TMEM44: variants seen among roughly 807,000 people sequenced by gnomAD.
TMEM44 encodes the protein transmembrane protein 44.
A neutral mutation model predicts 47.8 loss-of-function variants in TMEM44; 43 were observed. The ratio of observed to expected loss-of-function variants is 0.90; its 90% CI spans 0.70 to 1.16. The LOEUF is 1.16. Ranked by LOEUF, TMEM44 falls within the 50% of genes most tolerant of loss-of-function variation. TMEM44 has a pLI of 0.00. For synonymous variants in TMEM44, 277 were observed against 238.8 expected, an observed-to-expected ratio of 1.16 and a Z score of -1.48; for missense variants, 568 against 555.2, an observed-to-expected ratio of 1.02 and a Z score of -0.23.
intron 3 of TMEM44, among the ~76,000 whole-genome samples, chr3:194,624,289 A>G (rs886325101): frequency 6.6e-6 from 1 of 151,524 alleles, no homozygotes; most frequent in African/African-American, 2.4e-5. Context: ...TGGCCTCATG[A>G]GTGGCTGGGA....
At position 194,615,623 on chromosome 3, in the gene TMEM44, G is replaced by T; in HGVS notation, c.858C>A (p.Ser286Arg). 2 of 1,614,102 alleles carry T rather than the reference G, an allele frequency of 1.2e-6. No homozygotes were observed. The highest frequency in any genetic ancestry group is 3.3e-5 in the Admixed American group (2 of 60,006). Reference protein sequence around the residue: ...ALGFAKEARESPDTQALLTCA... With the variant: ...ALGFAKEARERPDTQALLTCA... ...AGGTCAAAAGGGCTTGGGTGTCAGG[G>T]CTCTCTCTGGCTTCCTTGGCAAATC... The change falls in exon 7 of 10, where the codon AGC becomes AGA. Residue 286 changes from serine (S) to arginine (R), a missense_variant. Coordinates refer to ENST00000347147, the MANE Select transcript of TMEM44 (RefSeq NM_001011655.3).
intron 9 of TMEM44, among the ~76,000 whole-genome samples, chr3:194,604,026 G>T (rs1200264273): frequency 6.6e-6 from 1 of 151,866 alleles, no homozygotes; most frequent in Non-Finnish European, 1.5e-5. Flanking sequence ...GCTAATTTTT[G>T]TATTTTTAGT....
At chr3:194,625,458 GT>G (rs1167580508) in intron 3 of TMEM44, among the ~76,000 whole-genome samples, 1 of 143,524 alleles carries the variant, frequency 7.0e-6, no homozygotes, top group Admixed American at 7.1e-5. Flanking sequence ...TTTGTTTTTT[GT>G]TTTTTTTGAG....
At position 194,606,963 on chromosome 3, in the gene TMEM44, A is replaced by AAAAAAAAG. The variant is rs71179377; in HGVS notation, c.1018-2519_1018-2518insCTTTTTTT. 8.4e-4 allele frequency among the ~76,000 whole-genome samples: 126 copies of AAAAAAAAG among 149,648 alleles called. 1 individual carries two copies. Among genetic ancestry groups the AAAAAAAAG allele is most frequent in the African/African-American group, 2.9e-3 (120 of 40,960 alleles). ...GCGAGACTCTGCCTCAAAAAAAAAA[A>AAAAAAAAG]GGAAAGAATAAAAGAAAAAATAAAA... On this transcript the variant is annotated intron_variant, in intron 8 of 9. Transcript: ENST00000347147.
Position 194,603,554 on chromosome 3 carries a change from C to T in TMEM44, c.1176+733G>A, listed in dbSNP as rs146413557. ...CTGGGATTACAGGTGCGAACCACCACGCCTGGCTAATTTTTGTGTTTTTAG... is the reference window on the plus strand; with the variant it reads ...CTGGGATTACAGGTGCGAACCACCATGCCTGGCTAATTTTTGTGTTTTTAG... On this transcript the variant is annotated intron_variant, in intron 9 of 9. Coordinates refer to ENST00000347147, the MANE Select transcript of TMEM44 (RefSeq NM_001011655.3). 4.9e-3 allele frequency among the ~76,000 whole-genome samples: 752 copies of T among 152,234 alleles called. 4 individuals carry two copies. Among genetic ancestry groups the T allele is most frequent in the Admixed American group, 0.012 (179 of 15,280 alleles).
intron 9 of TMEM44, among the ~76,000 whole-genome samples, chr3:194,602,367 C>T (rs896440215): frequency 1.3e-5 from 2 of 152,098 alleles, no homozygotes; most frequent in Admixed American, 6.6e-5. Context: ...TTTGGGAGGC[C>T]GAGGTGGGTG....
intron 1 of TMEM44, among the ~76,000 whole-genome samples, chr3:194,630,154 T>C (rs1369932545): frequency 4.1e-4 from 34 of 83,506 alleles, no homozygotes; most frequent in East Asian, 6.1e-4. Flanking sequence ...TCGTACCTGC[T>C]TCCCGAAGGG....
At chr3:194,606,370 G>A (rs879301971) in intron 8 of TMEM44, among the ~76,000 whole-genome samples, 4 of 152,106 alleles carry the variant, frequency 2.6e-5, no homozygotes, top group East Asian at 1.9e-4. Context: ...AATGGGATAT[G>A]TATCAGTGGA....
At chr3:194,602,409 C>T (rs1409526991) in intron 9 of TMEM44, among the ~76,000 whole-genome samples, 5 of 152,160 alleles carry the variant, frequency 3.3e-5, no homozygotes, top group Non-Finnish European at 7.4e-5. Context: ...CAAGACCAGC[C>T]TGGCCAACAT....
At chr3:194,589,778 C>G (rs1396063199) in intron 9 of TMEM44, 1 of 152,076 alleles carries the variant, frequency 6.6e-6, no homozygotes, top group Non-Finnish European at 1.5e-5. Flanking sequence ...CTTTGAGGTT[C>G]CAGCCATGGA....
chr3:194,615,583 C>T lies in TMEM44; in HGVS notation c.898G>A (p.Glu300Lys). The T allele has an allele frequency of 6.2e-7, 1 of 1,614,098 alleles. No homozygotes were observed. Among genetic ancestry groups the T allele is most frequent in the Non-Finnish European group, 8.5e-7 (1 of 1,179,978 alleles). Residue 300 changes from glutamate to lysine, a missense_variant, in exon 7 of 10, where the codon GAA becomes AAA. Physicochemically the swap from Glu to Lys is moderately conservative, Grantham distance 56. Coordinates refer to ENST00000347147, the MANE Select transcript of TMEM44 (RefSeq NM_001011655.3). The stretch of plus-strand genomic sequence containing the variant: ...TCGTTCCTCACCTCCTGGTTTTCTT[C>T]CTCTTTCTCTGCACAGGTCAAAAGG... ...QALLTCAEKE[E>K]ENQENLDWVP...
At chr3:194,613,367 G>C (rs974129203) in intron 7 of TMEM44, among the ~76,000 whole-genome samples, 1 of 144,134 alleles carries the variant, frequency 6.9e-6, no homozygotes, top group African/African-American at 2.6e-5. Context: ...TAGTAGAGAC[G>C]GAGTTTCACC....
chr3:194,620,825 G>C (rs577101432), intron 5 of TMEM44, among the ~76,000 whole-genome samples: 56 of 152,068 alleles, frequency 3.7e-4, no homozygotes, highest in South Asian at 8.3e-4. Flanking sequence ...TCAGTAGTTC[G>C]AGACCAGCCT....
chr3:194,617,838 G>T lies in TMEM44; in HGVS notation c.613-569C>A, dbSNP rs1250082228. On this transcript the variant is annotated intron_variant, in intron 5 of 9. Coordinates refer to ENST00000347147, the MANE Select transcript of TMEM44 (RefSeq NM_001011655.3). ...CATGAATGGTCTGGCACCATACCCT[G>T]GGTGCTGTCCTCACGACAGTGAGTG... 6 of 680,406 alleles carry T rather than the reference G, an allele frequency of 8.8e-6. No homozygotes were observed. In the African/African-American group the frequency reaches 1.1e-4, roughly 12 times the overall value. The allele number at this position is 680,406 out of a possible 1,614,324, so 42.1% of individuals were successfully genotyped here. A position where few individuals can be genotyped will look rare whatever the true frequency, so the allele number is the denominator to read the frequency against.
chr3:194,599,834 A>T (rs1349149606), intron 9 of TMEM44, among the ~76,000 whole-genome samples: 1 of 149,822 alleles, frequency 6.7e-6, no homozygotes, highest in East Asian at 2.0e-4. Flanking sequence ...ATCTCGGCTC[A>T]CTGCAACCTC....
At chr3:194,614,320 G>A (rs184266122) in intron 7 of TMEM44, among the ~76,000 whole-genome samples, 203 of 152,326 alleles carry the variant, frequency 1.3e-3, no homozygotes, top group Non-Finnish European at 2.2e-3. Flanking sequence ...GGAGCACCGT[G>A]TTAGGTGGTG....
chr3:194,595,999 G>A (rs1713360103), intron 9 of TMEM44, among the ~76,000 whole-genome samples: 1 of 152,108 alleles, frequency 6.6e-6, no homozygotes, highest in South Asian at 2.1e-4. Flanking sequence ...GAGGAAGGGG[G>A]ATTTAGACAG....
intron 8 of TMEM44, 30 bp downstream of exon 8, chr3:194,610,886 G>GA: frequency 6.3e-7 from 1 of 1,596,158 alleles, no homozygotes; most frequent in Non-Finnish European, 8.6e-7. Context: ...CATCCTCTCA[G>GA]ACACCTGGCC....
intron 2 of TMEM44, among the ~76,000 whole-genome samples, chr3:194,627,852 G>A (rs531277814): frequency 7.9e-5 from 12 of 152,146 alleles, no homozygotes; most frequent in African/African-American, 1.9e-4. Flanking sequence ...GGTGGCGTGC[G>A]CCTGTAATCC....
Sources: allele counts gnomAD v4.1 joint callset (sites outside exome capture counted in the v4.1 genomes callset), GRCh38; gene constraint gnomAD v4.1.1; transcripts MANE v1.5; gene names NCBI Gene and HGNC (gene_info 2026-07-23, HGNC 2026-07-21).